The following KANSL3 variants were observed in gnomAD, a reference collection of about 807,000 sequenced individuals.
KANSL3 encodes the protein NSL complex protein NSL3.
In KANSL3, 16 loss-of-function variants were observed where a neutral mutation model predicts 89.2. The ratio of observed to expected loss-of-function variants is 0.18; its 90% CI spans 0.12 to 0.27. KANSL3 has a LOEUF of 0.27. Among genes scored for constraint, KANSL3 ranks in the 10% least tolerant of loss-of-function variants. KANSL3 has a pLI of 1.00. For missense variants in KANSL3, 879 were observed against 1,110.6 expected (o/e 0.79, Z 2.96); for synonymous variants, 385 against 419.7 (o/e 0.92, Z 1.01).
chr2:96,612,345 G>T lies in KANSL3; in HGVS notation c.1023C>A (p.Ser341Arg). The T allele has an allele frequency of 6.2e-7, 1 of 1,613,580 alleles. No homozygotes were observed. The highest frequency in any genetic ancestry group is 8.5e-7 in the Non-Finnish European group (1 of 1,179,554). Reference sequence around the variant, plus strand: ...AGATAATGGGTTTGTGTGGGAAATGGCTGTGAATCTTCATGGGAAGAGAAA... The same window carrying T: ...AGATAATGGGTTTGTGTGGGAAATGTCTGTGAATCTTCATGGGAAGAGAAA... ...AVRSKVLEIH[S>R]HFPHKPIILI... The change falls in exon 9 of 21, where the codon AGC becomes AGA. Residue 341 changes from serine (S) to arginine (R), a missense_variant. This residue lies in a region of KANSL3 where 198 missense variants were observed against 260.3 expected (regional missense o/e 0.76). Coordinates refer to ENST00000431828, the MANE Select transcript of KANSL3 (RefSeq NM_001115016.3).
chr2:96,633,443 C>G (rs553401142), intron 2 of KANSL3, among the ~76,000 whole-genome samples: 1 of 151,804 alleles, frequency 6.6e-6, no homozygotes, highest in African/African-American at 2.4e-5. Flanking sequence ...GTGGCACGTG[C>G]CTGTAGTCCC....
the KANSL3 span, among the ~76,000 whole-genome samples, chr2:96,586,224 CAAAAAAAAA>C: frequency 1.6e-5 from 1 of 61,524 alleles, no homozygotes; most frequent in African/African-American, 5.9e-5. Context: ...GACTCAGTCT[CAAAAAAAAA>C]AAAAAAAAAG....
At chr2:96,622,350 A>G (rs1431773951) in intron 3 of KANSL3, among the ~76,000 whole-genome samples, 2 of 151,866 alleles carry the variant, frequency 1.3e-5, no homozygotes, top group African/African-American at 4.8e-5. Flanking sequence ...TGAGTCTAGG[A>G]TATCAAGGCT....
At chr2:96,630,902 A>C (rs541392258) in intron 3 of KANSL3, among the ~76,000 whole-genome samples, 1 of 152,240 alleles carries the variant, frequency 6.6e-6, no homozygotes, top group Non-Finnish European at 1.5e-5. Flanking sequence ...GTGACTTCAC[A>C]ACTTCCATCA....
At chr2:96,626,104 A>C (rs970089482) in intron 3 of KANSL3, among the ~76,000 whole-genome samples, 2 of 152,214 alleles carry the variant, frequency 1.3e-5, no homozygotes, top group African/African-American at 2.4e-5. Context: ...ATTCTATTCA[A>C]AGCAGCCAAA....
chr2:96,612,827 GC>G lies in KANSL3; in HGVS notation c.902del (p.Cys301SerfsTer8). 1 of 1,561,478 alleles carries G rather than the reference GC, an allele frequency of 6.4e-7. No homozygotes were observed. Among genetic ancestry groups the G allele is most frequent in the Non-Finnish European group, 8.7e-7 (1 of 1,152,652 alleles). ...RHRFWQSQLS[C>X]LGKVIPVATH... ...TTGCCCCCACACATACCTTGCCCAA[GC>G]AGGACAGCTGAGATTGCCAGAAGCG... On this transcript the variant is annotated frameshift_variant, in exon 7 of 21. Coordinates refer to ENST00000431828, the MANE Select transcript of KANSL3 (RefSeq NM_001115016.3). LOFTEE classifies it high-confidence loss of function.
intron 9 of KANSL3, 70 bp from the exon 10 acceptor site, chr2:96,611,208 G>A (rs752769777): frequency 7.4e-7 from 1 of 1,348,090 alleles, no homozygotes; most frequent in South Asian, 1.2e-5. Context: ...CCAGAATCCA[G>A]GAGTGGTCCA....
At chr2:96,604,889 C>T (rs2067741390) in intron 15 of KANSL3, 26 bp from the exon 16 acceptor site, 1 of 1,558,652 alleles carries the variant, frequency 6.4e-7, no homozygotes, top group Non-Finnish European at 8.7e-7. Flanking sequence ...CCCCAAGGCC[C>T]CTGGTCAGTC....
intron 1 of KANSL3, among the ~76,000 whole-genome samples, chr2:96,637,555 T>C (rs796244166): frequency 2.0e-5 from 3 of 152,224 alleles, no homozygotes; most frequent in African/African-American, 7.2e-5. Flanking sequence ...TATGAATTCG[T>C]TGAAAGCTAA....
chr2:96,622,446 A>G (rs893045747), intron 3 of KANSL3, among the ~76,000 whole-genome samples: 6 of 152,160 alleles, frequency 3.9e-5, no homozygotes, highest in African/African-American at 1.2e-4. Flanking sequence ...GCAAATTAAT[A>G]AAGTATTATT....
At chr2:96,587,770 ATC>A in the KANSL3 span, among the ~76,000 whole-genome samples, 1 of 152,250 alleles carries the variant, frequency 6.6e-6, no homozygotes, top group Non-Finnish European at 1.5e-5. Context: ...AATGAGCAAT[ATC>A]ACACTAAGAC....
chr2:96,608,442 C>A, intron 14 of KANSL3, 66 bp downstream of exon 14: 1 of 1,533,522 alleles, frequency 6.5e-7, no homozygotes. Flanking sequence ...CAATACTGTG[C>A]AACTGCCATG....
intron 3 of KANSL3, among the ~76,000 whole-genome samples, chr2:96,625,857 GAT>G (rs908786131): frequency 3.9e-5 from 6 of 152,172 alleles, no homozygotes; most frequent in Admixed American, 3.9e-4. Flanking sequence ...GCATGCAAGA[GAT>G]ATAATTAGCA....
intron 3 of KANSL3, among the ~76,000 whole-genome samples, chr2:96,630,105 C>T (rs1411452035): frequency 6.6e-6 from 1 of 152,168 alleles, no homozygotes; most frequent in Non-Finnish European, 1.5e-5. Flanking sequence ...CTTTGGAAAA[C>T]AGTCTGGCAA....
chr2:96,585,817 C>G, the KANSL3 span, among the ~76,000 whole-genome samples: 2 of 152,136 alleles, frequency 1.3e-5, no homozygotes, highest in Non-Finnish European at 2.9e-5. Context: ...TTGCACCAAC[C>G]TGGATGGAGC....
chr2:96,600,859 G>T (rs990619561), intron 20 of KANSL3: 1 of 985,424 alleles, frequency 1.0e-6, no homozygotes, highest in African/African-American at 1.7e-5. Flanking sequence ...GATATGGGAA[G>T]GCACAGTGCT....
chr2:96,587,699 A>G, the KANSL3 span, among the ~76,000 whole-genome samples: 7 of 152,376 alleles, frequency 4.6e-5, no homozygotes, highest in East Asian at 1.3e-3. Flanking sequence ...AAAATTGAGA[A>G]GACACAGATA....
rs866480209 is a variant in KANSL3, at chr2:96,631,502, T to A, written c.216-20A>T. On this transcript the variant is annotated intron_variant, in intron 2 of 20. Coordinates refer to ENST00000431828, the MANE Select transcript of KANSL3 (RefSeq NM_001115016.3). Reference sequence around the variant, plus strand: ...GATTCACTGTAAACAGGTGAGGAAATAGGACCGGGCCACACATACTTCACA... The same window carrying A: ...GATTCACTGTAAACAGGTGAGGAAAAAGGACCGGGCCACACATACTTCACA... The A allele has an allele frequency of 5.8e-6, 9 of 1,554,804 alleles. No individual in the cohort carries two copies. Among genetic ancestry groups the A allele is most frequent in the Middle Eastern group, 1.7e-4 (1 of 5,996 alleles).
chr2:96,636,110 C>G (rs886244637), intron 2 of KANSL3, among the ~76,000 whole-genome samples: 1 of 151,910 alleles, frequency 6.6e-6, no homozygotes, highest in South Asian at 2.1e-4. Context: ...TAACCCCCAA[C>G]AAAATTAAAA....
Sources: allele counts gnomAD v4.1 joint callset (sites outside exome capture counted in the v4.1 genomes callset), GRCh38; gene constraint gnomAD v4.1.1; regional missense constraint gnomAD v4.1.1; transcripts MANE v1.5; gene names NCBI Gene and HGNC (gene_info 2026-07-23, HGNC 2026-07-21).